Variants in UHRF2 observed in about 807,000 individuals in gnomAD.
UHRF2 encodes the protein E3 ubiquitin-protein ligase UHRF2.
In UHRF2, 23 loss-of-function variants were observed where a neutral mutation model predicts 96.8. That is an observed-to-expected ratio of 0.24 (90% CI 0.17 to 0.34). UHRF2 has a LOEUF of 0.34. UHRF2 is among the 10% of genes least tolerant of loss of function. UHRF2 has a pLI of 1.00. For synonymous variants in UHRF2, 385 were observed against 332.6 expected (o/e 1.16, Z -1.72); for missense variants, 685 against 981.5 (o/e 0.70, Z 4.04).
intron 3 of UHRF2, among the ~76,000 whole-genome samples, chr9:6,440,235 T>C (rs1249802479): frequency 3.3e-5 from 5 of 152,196 alleles, no homozygotes; most frequent in Middle Eastern, 3.2e-3. Flanking sequence ...TTTAATAATA[T>C]CTGTGGCATA....
At chr9:6,470,542 A>G (rs1587841342) in intron 4 of UHRF2, among the ~76,000 whole-genome samples, 1 of 152,344 alleles carries the variant, frequency 6.6e-6, no homozygotes, top group East Asian at 1.9e-4. Context: ...CCGATGGAAC[A>G]TCGAAATATG....
intron 8 of UHRF2, among the ~76,000 whole-genome samples, chr9:6,483,861 G>A (rs1360961185): frequency 6.6e-6 from 1 of 151,956 alleles, no homozygotes; most frequent in African/African-American, 2.4e-5. Flanking sequence ...GACTAATTTT[G>A]TATTTTTAGT....
chr9:6,464,014 A>G (rs958420630), intron 4 of UHRF2, among the ~76,000 whole-genome samples: 2 of 152,146 alleles, frequency 1.3e-5, no homozygotes, highest in Non-Finnish European at 2.9e-5. Context: ...TGCATCTTCA[A>G]CTTGAGTAGA....
At chr9:6,468,784 A>T (rs1201894805) in intron 4 of UHRF2, 1 of 428,982 alleles carries the variant, frequency 2.3e-6, no homozygotes, top group Admixed American at 2.6e-5. Flanking sequence ...TCCACAGAAT[A>T]TGTAGGTCTT....
chr9:6,433,754 CAGAA>C (rs1205802497), intron 2 of UHRF2, among the ~76,000 whole-genome samples, 156 bp from the exon 3 acceptor site: 2 of 152,174 alleles, frequency 1.3e-5, no homozygotes. Context: ...TAGCACAAAT[CAGAA>C]AGAATAGTTT....
At chr9:6,423,923 C>T (rs998209856) in intron 2 of UHRF2, among the ~76,000 whole-genome samples, 7 of 151,122 alleles carry the variant, frequency 4.6e-5, no homozygotes, top group African/African-American at 1.5e-4. Context: ...CCAGCCTGGG[C>T]GACACAGTGA....
chr9:6,423,159 A>G (rs948552103), intron 2 of UHRF2, among the ~76,000 whole-genome samples: 1 of 152,188 alleles, frequency 6.6e-6, no homozygotes, highest in Non-Finnish European at 1.5e-5. Context: ...AAAAATGCCA[A>G]CAGATCTACA....
chr9:6,464,669 T>A (rs954804898), intron 4 of UHRF2, among the ~76,000 whole-genome samples: 4 of 152,180 alleles, frequency 2.6e-5, no homozygotes, highest in Non-Finnish European at 5.9e-5. Flanking sequence ...AAAAGCCCAT[T>A]TCCCTCCCAT....
chr9:6,483,276 G>T (rs762102806), intron 8 of UHRF2, among the ~76,000 whole-genome samples: 1 of 140,954 alleles, frequency 7.1e-6, no homozygotes, highest in Non-Finnish European at 1.5e-5. Flanking sequence ...AGTGAGCCGA[G>T]ATTGTGCCAC....
At chr9:6,452,969 TG>T (rs1821960877) in intron 3 of UHRF2, among the ~76,000 whole-genome samples, 1 of 152,200 alleles carries the variant, frequency 6.6e-6, no homozygotes. Flanking sequence ...AGTAGTTTTA[TG>T]TTCCTTTTCT....
rs201386042 is a variant in UHRF2 at position 6,432,785 on chromosome 9, A to G, written c.385-1129A>G. ...TTCATTTTTTCCTTTTTAAGGGCTT[A>G]AAAAGAAAGTTGAAGGAATTTCTCT... On this transcript the variant is annotated intron_variant, in intron 2 of 15. Transcript: ENST00000276893. Among the ~76,000 whole-genome samples the G allele has an allele frequency of 1.8e-3, 271 of 152,208 alleles. 1 individual carries two copies. The highest frequency in any genetic ancestry group is 3.1e-3 in the Non-Finnish European group (211 of 68,022).
At chr9:6,420,718 AAAAG>A (rs1022636458) in intron 1 of UHRF2, among the ~76,000 whole-genome samples, 190 bp from the exon 2 acceptor site, 13 of 151,918 alleles carry the variant, frequency 8.6e-5, no homozygotes, top group East Asian at 5.8e-4. Context: ...AAAAAAAAAA[AAAAG>A]AGAGAGAGAG....
At chr9:6,417,657 C>A (rs1377971346) in intron 1 of UHRF2, among the ~76,000 whole-genome samples, 1 of 152,024 alleles carries the variant, frequency 6.6e-6, no homozygotes, top group Non-Finnish European at 1.5e-5. Context: ...TATGAATTAG[C>A]GAAGGAGTGG....
chr9:6,499,842 C>A lies in UHRF2; in HGVS notation c.1916C>A (p.Ala639Glu). Residue 639 changes from alanine (A) to glutamate (E), a missense_variant, in exon 13 of 16, where the codon GCA (alanine) becomes GAA (glutamate). Transcript: ENST00000276893. Reference sequence around the variant, plus strand: ...CTCCTCCCCCCCCATCAGTATCCAGCAGGTTACCCTTCAGATAAAGAAGGG... The same window carrying A: ...CTCCTCCCCCCCCATCAGTATCCAGAAGGTTACCCTTCAGATAAAGAAGGG... ...RRLCLRLQYP[A>E]GYPSDKEGKK... 6.3e-7 allele frequency: 1 copy of A among 1,583,094 alleles called. No homozygotes were observed. The highest frequency in any genetic ancestry group is 8.6e-7 in the Non-Finnish European group (1 of 1,160,982).
chr9:6,423,650 TAAAG>T (rs1213216263), intron 2 of UHRF2, among the ~76,000 whole-genome samples: 1 of 150,868 alleles, frequency 6.6e-6, no homozygotes. Flanking sequence ...TTTTTTTTTT[TAAAG>T]AAAAGTCTCG....
At chr9:6,427,832 A>G (rs562979487) in intron 2 of UHRF2, among the ~76,000 whole-genome samples, 8 of 152,232 alleles carry the variant, frequency 5.3e-5, no homozygotes, top group Non-Finnish European at 1.2e-4. Context: ...TGGAGAGCCT[A>G]TGAAAGATTG....
intron 4 of UHRF2, among the ~76,000 whole-genome samples, chr9:6,471,605 C>T (rs1406898357): frequency 6.6e-6 from 1 of 152,136 alleles, no homozygotes; most frequent in East Asian, 1.9e-4. Flanking sequence ...TTTATTTTCC[C>T]TGAGTAGAGC....
intron 4 of UHRF2, among the ~76,000 whole-genome samples, chr9:6,465,164 T>C (rs550993722): frequency 6.6e-6 from 1 of 152,198 alleles, no homozygotes; most frequent in Non-Finnish European, 1.5e-5. Flanking sequence ...AGAAAACATA[T>C]AAAATTTCAT....
chr9:6,497,877 T>C, intron 11 of UHRF2, 141 bp from the exon 12 acceptor site: 1 of 1,036,528 alleles, frequency 9.6e-7, no homozygotes, highest in Non-Finnish European at 1.4e-6. Flanking sequence ...TTAGTGAATA[T>C]TCTTGACTTA....
Sources: gnomAD v4.1 joint callset for allele counts (sites outside exome capture counted in the v4.1 genomes callset) on GRCh38, gnomAD v4.1.1 for gene constraint, MANE v1.5 for transcripts, NCBI Gene and HGNC (gene_info 2026-07-23, HGNC 2026-07-21) for gene names.